CCSER1: variants seen among roughly 807,000 people sequenced by gnomAD.
CCSER1 encodes the protein serine-rich coiled-coil domain-containing protein 1.
Under a neutral mutation model 82.0 loss-of-function variants are expected in CCSER1, and 41 were observed. The observed-to-expected ratio is 0.50, with a 90% CI of 0.39 to 0.65. The LOEUF is 0.65. Ranked by LOEUF, CCSER1 falls within the 30% of genes least tolerant of loss-of-function variation. The pLI is 0.00. For missense variants in CCSER1, 1,119 were observed against 1,064.2 expected (o/e 1.05, Z -0.72); for synonymous variants, 414 against 383.9 (o/e 1.08, Z -0.92).
intron 6 of CCSER1, among the ~76,000 whole-genome samples, chr4:90,701,967 C>A (rs1738243466): frequency 2.0e-5 from 3 of 152,126 alleles, no homozygotes; most frequent in Admixed American, 2.0e-4. Context: ...TGCTTTATTT[C>A]TTTCTCCTGC....
In CCSER1 at chr4:91,605,114, G is replaced by A. The variant is rs1272984957; in HGVS notation, c.*6057G>A. Reference sequence around the variant, plus strand: ...ATTACCCTGGAAATTAAAATTTTTAGCAATATTGAATACAGTAGTATAATT... The same window carrying A: ...ATTACCCTGGAAATTAAAATTTTTAACAATATTGAATACAGTAGTATAATT... On this transcript the variant is annotated 3_prime_UTR_variant, in exon 11 of 11. Transcript: ENST00000509176. 1 of 151,792 alleles carries A rather than the reference G, an allele frequency of 6.6e-6. No individual in the cohort carries two copies. The allele number at this position is 151,792 out of a possible 1,614,324, so 9.4% of individuals were successfully genotyped here.
chr4:90,811,946 T>C lies in CCSER1; in HGVS notation c.2011-3816T>C, dbSNP rs185528638. On this transcript the variant is annotated intron_variant, in intron 7 of 10. Transcript: ENST00000509176. ...ACACACACACACACATATATACACT[T>C]AATAAACTCACATATATATACACAT... is the stretch of plus-strand genomic sequence containing the variant. 1.7e-3 allele frequency among the ~76,000 whole-genome samples: 223 copies of C among 134,626 alleles called. 1 individual carries two copies. The highest frequency in any genetic ancestry group is 5.9e-3 in the African/African-American group (216 of 36,332). 88.3% of individuals were successfully genotyped at this position (134,626 alleles called of 152,430 possible).
At chr4:91,020,254 C>T (rs1334093132) in intron 9 of CCSER1, among the ~76,000 whole-genome samples, 1 of 152,134 alleles carries the variant, frequency 6.6e-6, no homozygotes, top group Non-Finnish European at 1.5e-5. Flanking sequence ...TTGCTACAGA[C>T]CCACATCCCT....
At chr4:90,476,659 G>C (rs1263749355) in intron 5 of CCSER1, among the ~76,000 whole-genome samples, 1 of 152,058 alleles carries the variant, frequency 6.6e-6, no homozygotes, top group African/African-American at 2.4e-5. Context: ...AGAACCAATA[G>C]ATTTTAATAT....
chr4:90,637,362 T>A (rs1035985046), intron 6 of CCSER1, among the ~76,000 whole-genome samples: 1 of 152,186 alleles, frequency 6.6e-6, no homozygotes, highest in East Asian at 1.9e-4. Context: ...AAATGCACAA[T>A]GTCTTTTGTA....
At chr4:90,543,066 C>T (rs891265026) in intron 5 of CCSER1, among the ~76,000 whole-genome samples, 4 of 152,090 alleles carry the variant, frequency 2.6e-5, no homozygotes, top group African/African-American at 7.2e-5. Flanking sequence ...GCTGGTAATA[C>T]ATGTCTGTCA....
chr4:90,924,686 AT>A (rs1728828158), intron 9 of CCSER1, among the ~76,000 whole-genome samples: 1 of 151,828 alleles, frequency 6.6e-6, no homozygotes, highest in South Asian at 2.1e-4. Flanking sequence ...TTTGTGAGGG[AT>A]TTTTTTCCTG....
chr4:90,755,699 A>C (rs1160812739), intron 7 of CCSER1, among the ~76,000 whole-genome samples: 1 of 152,242 alleles, frequency 6.6e-6, no homozygotes, highest in African/African-American at 2.4e-5. Context: ...AGTATTATCA[A>C]TGCAAAACAC....
At chr4:90,285,870 T>C (rs1022078252) in intron 1 of CCSER1, among the ~76,000 whole-genome samples, 2 of 152,020 alleles carry the variant, frequency 1.3e-5, no homozygotes, top group African/African-American at 4.8e-5. Flanking sequence ...ATTAAATGAT[T>C]TTTTTGGCAC....
At chr4:90,941,656 C>T (rs903258728) in intron 9 of CCSER1, among the ~76,000 whole-genome samples, 1 of 152,114 alleles carries the variant, frequency 6.6e-6, no homozygotes, top group Admixed American at 6.5e-5. Context: ...ATACTATTTT[C>T]AATTTTTAAT....
chr4:90,739,210 C>A (rs1391868788), intron 7 of CCSER1, among the ~76,000 whole-genome samples: 1 of 152,166 alleles, frequency 6.6e-6, no homozygotes, highest in East Asian at 1.9e-4. Flanking sequence ...TGGGTCCTTC[C>A]CTTTAGGGCA....
At chr4:90,421,330 T>C (rs1386227298) in intron 4 of CCSER1, among the ~76,000 whole-genome samples, 3 of 152,204 alleles carry the variant, frequency 2.0e-5, no homozygotes, top group Admixed American at 1.3e-4. Context: ...CTCTTACTCT[T>C]ATCAAGACCA....
chr4:90,183,138 T>A (rs1308776826), intron 1 of CCSER1, among the ~76,000 whole-genome samples: 2 of 152,122 alleles, frequency 1.3e-5, no homozygotes, highest in Admixed American at 1.3e-4. Flanking sequence ...AATATTTAAA[T>A]GATGCCATCT....
intron 9 of CCSER1, among the ~76,000 whole-genome samples, chr4:90,963,290 A>G (rs1581214785): frequency 6.6e-6 from 1 of 152,202 alleles, no homozygotes; most frequent in Non-Finnish European, 1.5e-5. Flanking sequence ...CAGAATCCCA[A>G]AACTAGGTTC....
At chr4:90,943,189 G>A (rs1464387773) in intron 9 of CCSER1, among the ~76,000 whole-genome samples, 1 of 152,004 alleles carries the variant, frequency 6.6e-6, no homozygotes, top group Non-Finnish European at 1.5e-5. Flanking sequence ...TTTCACTAAA[G>A]ATAACAACAG....
At chr4:90,210,814 T>C (rs1160510410) in intron 1 of CCSER1, among the ~76,000 whole-genome samples, 1 of 152,188 alleles carries the variant, frequency 6.6e-6, no homozygotes, top group South Asian at 2.1e-4. Context: ...TGTATGACTT[T>C]GTTAGGCAGT....
chr4:90,818,186 T>C (rs2149776136), intron 8 of CCSER1, among the ~76,000 whole-genome samples: 1 of 152,238 alleles, frequency 6.6e-6, no homozygotes, highest in African/African-American at 2.4e-5. Flanking sequence ...ATTTATATTT[T>C]TGAGTTAGCC....
chr4:90,658,125 C>T (rs1730062051), intron 6 of CCSER1, among the ~76,000 whole-genome samples: 1 of 151,818 alleles, frequency 6.6e-6, no homozygotes, highest in Non-Finnish European at 1.5e-5. Flanking sequence ...CAACAAACAA[C>T]AAAAAAACTC....
At chr4:90,600,359 T>C (rs565072144) in intron 5 of CCSER1, among the ~76,000 whole-genome samples, 26 of 152,278 alleles carry the variant, frequency 1.7e-4, no homozygotes, top group South Asian at 1.0e-3. Flanking sequence ...AGTCAGACTT[T>C]TTAGTTTTAG....
Sources: gnomAD v4.1 joint callset for allele counts (sites outside exome capture counted in the v4.1 genomes callset) on GRCh38, gnomAD v4.1.1 for gene constraint, MANE v1.5 for transcripts, NCBI Gene and HGNC (gene_info 2026-07-23, HGNC 2026-07-21) for gene names.